Variants in SLC35F3 observed in about 807,000 individuals in gnomAD.
SLC35F3 encodes putative thiamine transporter SLC35F3.
In SLC35F3, 25 loss-of-function variants were observed where a neutral mutation model predicts 49.9. That is an observed-to-expected ratio of 0.50 (90% CI 0.37 to 0.70). SLC35F3 has a LOEUF of 0.70. Among genes scored for constraint, SLC35F3 ranks in the 30% least tolerant of loss-of-function variants. The pLI, the probability that SLC35F3 is intolerant of heterozygous loss-of-function variation, is 0.00. For missense variants in SLC35F3, 525 were observed against 639.8 expected, an observed-to-expected ratio of 0.82 and a Z score of 1.94; for synonymous variants, 275 against 265.4, an observed-to-expected ratio of 1.04 and a Z score of -0.35.
At chr1:234,252,227 G>T (rs369418649) in intron 3 of SLC35F3, among the ~76,000 whole-genome samples, 12 of 152,062 alleles carry the variant, frequency 7.9e-5, no homozygotes, top group Non-Finnish European at 1.6e-4. Flanking sequence ...ACACCACTAC[G>T]CCTGGCTAAT....
intron 2 of SLC35F3, among the ~76,000 whole-genome samples, chr1:234,090,385 G>T (rs952929881): frequency 3.9e-5 from 6 of 152,242 alleles, no homozygotes; most frequent in African/African-American, 1.4e-4. Context: ...CTGCCAGCAT[G>T]CAGTGAGCCA....
At chr1:234,053,005 G>A (rs1189199960) in intron 2 of SLC35F3, among the ~76,000 whole-genome samples, 2 of 152,218 alleles carry the variant, frequency 1.3e-5, no homozygotes, top group East Asian at 3.8e-4. Context: ...CTGAGAGACA[G>A]TTTGTTATAA....
At chr1:234,062,059 A>G (rs1664549339) in intron 2 of SLC35F3, among the ~76,000 whole-genome samples, 1 of 152,202 alleles carries the variant, frequency 6.6e-6, no homozygotes, top group African/African-American at 2.4e-5. Context: ...ATACTAGACA[A>G]AAATGTTACC....
At chr1:233,935,189 CTTTTTT>C (rs35418747) in intron 2 of SLC35F3, among the ~76,000 whole-genome samples, 4 of 50,302 alleles carry the variant, frequency 8.0e-5, no homozygotes, top group Admixed American at 3.7e-4. Flanking sequence ...TTTCCTTGCC[CTTTTTT>C]TTTTTTTTTT....
chr1:234,123,606 CAG>C (rs1166607278), intron 2 of SLC35F3, among the ~76,000 whole-genome samples: 1 of 148,168 alleles, frequency 6.7e-6, no homozygotes, highest in Non-Finnish European at 1.5e-5. Flanking sequence ...TTAGTAGAGA[CAG>C]GGTTTCGCTA....
intron 2 of SLC35F3, among the ~76,000 whole-genome samples, chr1:233,940,016 A>G (rs922103620): frequency 1.3e-5 from 2 of 151,898 alleles, no homozygotes; most frequent in African/African-American, 2.4e-5. Flanking sequence ...TTCTAAAACC[A>G]CTCCCTAGAG....
At chr1:234,154,916 G>A (rs1044473480) in intron 2 of SLC35F3, among the ~76,000 whole-genome samples, 2 of 152,006 alleles carry the variant, frequency 1.3e-5, no homozygotes, top group Non-Finnish European at 2.9e-5. Flanking sequence ...CTATATCCGG[G>A]GGCGATTTGA....
intron 2 of SLC35F3, among the ~76,000 whole-genome samples, chr1:234,097,077 C>T (rs1291674233): frequency 1.3e-5 from 2 of 151,898 alleles, no homozygotes; most frequent in African/African-American, 4.8e-5. Context: ...TTAGTAGAGA[C>T]AGGGTTTCTT....
intron 2 of SLC35F3, among the ~76,000 whole-genome samples, chr1:234,139,987 A>G (rs540646144): frequency 1.2e-4 from 16 of 137,674 alleles, no homozygotes; most frequent in Non-Finnish European, 2.4e-4. Flanking sequence ...AATAAAATAA[A>G]ATAAAATAAA....
At chr1:234,287,220 A>G (rs568502296) in intron 3 of SLC35F3, among the ~76,000 whole-genome samples, 2 of 152,152 alleles carry the variant, frequency 1.3e-5, no homozygotes, top group African/African-American at 2.4e-5. Context: ...TAAAAATTTA[A>G]AAAGCAACTA....
At chr1:234,111,720 C>T (rs1339382681) in intron 2 of SLC35F3, among the ~76,000 whole-genome samples, 1 of 152,264 alleles carries the variant, frequency 6.6e-6, no homozygotes, top group Non-Finnish European at 1.5e-5. Context: ...CTGGGTACCA[C>T]ATTCCAGGCC....
At chr1:234,318,630 T>C (rs1657546612) in intron 5 of SLC35F3, 121 bp from the exon 6 acceptor site, 1 of 799,092 alleles carries the variant, frequency 1.3e-6, no homozygotes, top group Admixed American at 2.5e-5. Flanking sequence ...GGAATTCACC[T>C]GGAATCTGGT....
At chr1:234,028,549 G>A (rs1376869847) in intron 2 of SLC35F3, among the ~76,000 whole-genome samples, 1 of 152,182 alleles carries the variant, frequency 6.6e-6, no homozygotes, top group Non-Finnish European at 1.5e-5. Flanking sequence ...GTAGGCTGGA[G>A]ACTGGGGCAA....
chr1:234,198,918 G>A lies in SLC35F3; in HGVS notation c.284-32499G>A, dbSNP rs556490317. On this transcript the variant is annotated intron_variant, in intron 2 of 7. Coordinates refer to ENST00000366618, the MANE Select transcript of SLC35F3 (RefSeq NM_173508.4). ...TTTCAAAATATATTATAAAGCTATT[G>A]TAATCAAAACAGCATGGCAGCTGGG... Among the ~76,000 whole-genome samples, 33 of 152,226 alleles carry A rather than the reference G, an allele frequency of 2.2e-4. No homozygotes were observed. In the South Asian group the frequency reaches 4.2e-3, roughly 19 times the overall value.
In SLC35F3 at chr1:234,101,162, A is replaced by G. The variant is rs181996061; in HGVS notation, c.284-130255A>G. ...CAGAGAGGTGACCCTGTGCCACAAA[A>G]GCAGGTTGGGTGCCCTGCAGTATGG... On this transcript the variant is annotated intron_variant, in intron 2 of 7. Transcript: ENST00000366618. 1.6e-4 allele frequency among the ~76,000 whole-genome samples: 25 copies of G among 152,148 alleles called. No homozygotes were observed. The East Asian group carries it at 4.6e-3, about 28-fold the overall frequency.
chr1:234,290,974 G>A (rs1367348200), intron 3 of SLC35F3, among the ~76,000 whole-genome samples: 2 of 152,092 alleles, frequency 1.3e-5, no homozygotes, highest in Non-Finnish European at 2.9e-5. Context: ...GGTAAGGAGA[G>A]GCCACCAATA....
intron 2 of SLC35F3, among the ~76,000 whole-genome samples, chr1:234,055,775 A>G (rs941530399): frequency 1.3e-5 from 2 of 152,180 alleles, no homozygotes; most frequent in Non-Finnish European, 2.9e-5. Context: ...CTATTCGGCC[A>G]TCTTGGAACC....
chr1:233,961,071 G>C (rs547163362), intron 2 of SLC35F3, among the ~76,000 whole-genome samples: 1 of 152,092 alleles, frequency 6.6e-6, no homozygotes, highest in African/African-American at 2.4e-5. Context: ...TCCCCAGAAG[G>C]TTGTTTATGA....
At chr1:234,002,930 T>A (rs1448068606) in intron 2 of SLC35F3, among the ~76,000 whole-genome samples, 1 of 152,228 alleles carries the variant, frequency 6.6e-6, no homozygotes, top group African/African-American at 2.4e-5. Flanking sequence ...GTTCTGGATG[T>A]GCCTACTAGC....
Sources: gnomAD v4.1 joint callset for allele counts (sites outside exome capture counted in the v4.1 genomes callset) on GRCh38, gnomAD v4.1.1 for gene constraint, MANE v1.5 for transcripts, NCBI Gene and HGNC (gene_info 2026-07-23, HGNC 2026-07-21) for gene names.